MRPS31: variants seen among roughly 807,000 people sequenced by gnomAD.
MRPS31 encodes mitochondrial ribosomal protein S31, also known as small ribosomal subunit protein mS31.
A neutral mutation model predicts 43.1 loss-of-function variants in MRPS31; 32 were observed. The observed-to-expected ratio is 0.74, with a 90% confidence interval of 0.56 to 1.00. The LOEUF is 1.00. MRPS31 is among the 50% of genes least tolerant of loss of function. The pLI is 0.00. For synonymous variants in MRPS31, 165 were observed against 161.6 expected (o/e 1.02, Z -0.16); for missense variants, 437 against 466.7 (o/e 0.94, Z 0.59).
rs1182136675 is a variant in MRPS31 at position 40,771,166 on chromosome 13, A to G, written c.-30T>C. ...GAGACACGAAATGAACCAAGAACAC[A>G]ACTGAAATGGTGCGTCCCGCTGCCA... is the stretch of plus-strand genomic sequence containing the variant. On this transcript the variant is annotated 5_prime_UTR_variant, in exon 1 of 7. Coordinates refer to ENST00000323563, the MANE Select transcript of MRPS31 (RefSeq NM_005830.4). The G allele has an allele frequency of 6.4e-7, 1 of 1,570,748 alleles. No homozygotes were observed. The highest frequency in any genetic ancestry group is 8.7e-7 in the Non-Finnish European group (1 of 1,155,120).
rs777341731 is a variant in MRPS31, at chr13:40,771,006, C to A, written c.131G>T (p.Arg44Leu). The change falls in exon 1 of 7, where the codon CGC (arginine) becomes CTC (leucine). Residue 44 changes from arginine (R) to leucine (L), a missense_variant. Transcript: ENST00000323563. ...LTVRHGTVRY[R>L]SSALLARTKN... ...CTACCGGGCCAACAGCGCTGAACTG[C>A]GGTACCTGACTGTTCCGTGCCGAAC... 1.2e-6 allele frequency: 2 copies of A among 1,614,154 alleles called. No individual in the cohort carries two copies. Among genetic ancestry groups the A allele is most frequent in the Admixed American group, 1.7e-5 (1 of 60,006 alleles).
At chr13:40,733,144 C>T (rs1228482366) in intron 6 of MRPS31, among the ~76,000 whole-genome samples, 1 of 151,816 alleles carries the variant, frequency 6.6e-6, no homozygotes, top group East Asian at 1.9e-4. Flanking sequence ...GCTGGGATTA[C>T]AGGCACTCAC....
chr13:40,748,634 C>T (rs1880305592), intron 6 of MRPS31, among the ~76,000 whole-genome samples: 1 of 152,194 alleles, frequency 6.6e-6, no homozygotes, highest in African/African-American at 2.4e-5. Flanking sequence ...CAGTTCAAAG[C>T]ACCTATATTA....
intron 1 of MRPS31, among the ~76,000 whole-genome samples, chr13:40,769,740 T>G (rs1449623122): frequency 1.3e-5 from 2 of 152,174 alleles, no homozygotes; most frequent in Non-Finnish European, 2.9e-5. Flanking sequence ...GAATCTCACA[T>G]GTAATCTTTA....
At chr13:40,764,576 T>C (rs963075328) in intron 2 of MRPS31, among the ~76,000 whole-genome samples, 2 of 152,126 alleles carry the variant, frequency 1.3e-5, no homozygotes, top group Admixed American at 6.6e-5. Flanking sequence ...ATTACAAGGC[T>C]AGGTCATTAA....
At chr13:40,741,134 A>C (rs1880077955) in intron 6 of MRPS31, among the ~76,000 whole-genome samples, 1 of 151,974 alleles carries the variant, frequency 6.6e-6, no homozygotes, top group Admixed American at 6.6e-5. Context: ...TATAATTTAG[A>C]AATATAAAAA....
rs767427852 is a variant in MRPS31, at chr13:40,766,779, A to C, written c.407T>G (p.Leu136Arg). 6.2e-7 allele frequency: 1 copy of C among 1,612,462 alleles called. No homozygotes were observed. Among genetic ancestry groups the C allele is most frequent in the South Asian group, 1.1e-5 (1 of 90,674 alleles). ...LKSLEATLGR[L>R]RRATEYAPKK... ...TGGAGCATATTCTGTAGCTCTTCGAAGCCTGCCAAGTGTAGCTTCCAAACT... is the reference window on the plus strand; with the variant it reads ...TGGAGCATATTCTGTAGCTCTTCGACGCCTGCCAAGTGTAGCTTCCAAACT... The change falls in exon 2 of 7, where the codon CTT becomes CGT. Residue 136 changes from leucine (L) to arginine (R), a missense_variant. Leu to Arg is a moderately radical substitution (Grantham distance 102, BLOSUM62 -2). Transcript: ENST00000323563.
chr13:40,732,921 C>G (rs142044398), intron 6 of MRPS31, among the ~76,000 whole-genome samples: 1 of 150,796 alleles, frequency 6.6e-6, no homozygotes, highest in East Asian at 1.9e-4. Flanking sequence ...CAGTGGCTCA[C>G]GCCTGTAATC....
chr13:40,765,101 C>A (rs551032202), intron 2 of MRPS31, among the ~76,000 whole-genome samples: 110 of 152,274 alleles, frequency 7.2e-4, no homozygotes, highest in Non-Finnish European at 1.4e-3. Context: ...TTAAAAGACA[C>A]CTTTTTAAAA....
chr13:40,733,382 C>T (rs1250015587), intron 6 of MRPS31, among the ~76,000 whole-genome samples: 1 of 151,856 alleles, frequency 6.6e-6, no homozygotes, highest in East Asian at 1.9e-4. Context: ...AAAGAATGTC[C>T]CCGGAGCATA....
intron 6 of MRPS31, among the ~76,000 whole-genome samples, chr13:40,746,214 T>C (rs1226854573): frequency 6.6e-6 from 1 of 152,178 alleles, no homozygotes; most frequent in Non-Finnish European, 1.5e-5. Context: ...TTCATAAAGC[T>C]AATTATTAGT....
At chr13:40,731,963 T>C (rs1879712183) in intron 6 of MRPS31, among the ~76,000 whole-genome samples, 1 of 151,708 alleles carries the variant, frequency 6.6e-6, no homozygotes, top group African/African-American at 2.4e-5. Flanking sequence ...TACTGGCACA[T>C]ATAATGCAAA....
At position 40,766,923 on chromosome 13, in the gene MRPS31, T is replaced by C. The variant is rs201183404; in HGVS notation, c.263A>G (p.Gln88Arg). ...EETSKETSES[Q>R]DSEKENTKKD... ...TTTCGTATTTTCCTTTTCACTGTCT[T>C]GGCTCTCTGAAGTCTCCTTGGAAGT... Residue 88 changes from glutamine to arginine, a missense_variant, in exon 2 of 7, where the codon CAA becomes CGA. Physicochemically the swap from Gln to Arg is conservative, Grantham distance 43. Coordinates refer to ENST00000323563, the MANE Select transcript of MRPS31 (RefSeq NM_005830.4). 10 of 1,614,164 alleles carry C rather than the reference T, an allele frequency of 6.2e-6. No individual in the cohort carries two copies. Among genetic ancestry groups the C allele is most frequent in the Non-Finnish European group, 8.5e-6 (10 of 1,180,014 alleles).
At chr13:40,734,947 C>G (rs572169568) in intron 6 of MRPS31, among the ~76,000 whole-genome samples, 19 of 152,264 alleles carry the variant, frequency 1.2e-4, no homozygotes, top group South Asian at 4.1e-4. Context: ...GGCCGAATAG[C>G]AACAGCTCCA....
At chr13:40,760,631 C>CTT (rs551721594) in intron 2 of MRPS31, among the ~76,000 whole-genome samples, 7 of 133,760 alleles carry the variant, frequency 5.2e-5, no homozygotes, top group Admixed American at 7.6e-5. Flanking sequence ...ACATTTTTTC[C>CTT]TTTTTTTTTT....
chr13:40,741,804 A>T (rs1192316263), intron 6 of MRPS31, among the ~76,000 whole-genome samples: 1 of 152,112 alleles, frequency 6.6e-6, no homozygotes, highest in Non-Finnish European at 1.5e-5. Context: ...TAACAATGGG[A>T]CATATAGAAC....
At chr13:40,756,282 C>T (rs952967254) in intron 4 of MRPS31, among the ~76,000 whole-genome samples, 4 of 152,290 alleles carry the variant, frequency 2.6e-5, no homozygotes, top group South Asian at 2.1e-4. Flanking sequence ...AGAACAGAAA[C>T]GTTATGCAAA....
chr13:40,731,293 C>T (rs1270325827), intron 6 of MRPS31: 6 of 157,748 alleles, frequency 3.8e-5, no homozygotes, highest in Non-Finnish European at 7.9e-5. Context: ...CAGAGGAGGC[C>T]GGGTGTGGTG....
chr13:40,743,894 T>C (rs527454711), intron 6 of MRPS31, among the ~76,000 whole-genome samples: 2 of 152,318 alleles, frequency 1.3e-5, no homozygotes, highest in East Asian at 3.9e-4. Flanking sequence ...TAAAGATACA[T>C]GCATATGTAT....
Sources: gnomAD v4.1 joint callset for allele counts (sites outside exome capture counted in the v4.1 genomes callset) on GRCh38, gnomAD v4.1.1 for gene constraint, MANE v1.5 for transcripts, NCBI Gene and HGNC (gene_info 2026-07-23, HGNC 2026-07-21) for gene names.